The following WDR17 variants were observed in gnomAD, a reference collection of about 807,000 sequenced individuals.
WDR17 encodes the protein WD repeat-containing protein 17.
WDR17 carries 143 observed loss-of-function variants against 161.7 expected under a neutral mutation model. The observed-to-expected ratio is 0.88, with a 90% CI of 0.77 to 1.02. The LOEUF (loss-of-function observed/expected upper bound fraction) is 1.02. Among genes scored for constraint, WDR17 ranks in the 50% least tolerant of loss-of-function variants. WDR17 has a pLI of 0.00. For synonymous variants in WDR17, 517 were observed against 515.6 expected, an observed-to-expected ratio of 1.00 and a Z score of -0.04; for missense variants, 1,469 against 1,520.9, an observed-to-expected ratio of 0.97 and a Z score of 0.57.
At chr4:176,106,444 G>A (rs1487370111) in intron 1 of WDR17, among the ~76,000 whole-genome samples, 2 of 152,016 alleles carry the variant, frequency 1.3e-5, no homozygotes, top group Non-Finnish European at 2.9e-5. Context: ...AATGAAATTG[G>A]ACTCTTACCT....
At chr4:176,177,415 C>T in intron 27 of WDR17, 56 bp from the exon 28 acceptor site, 1 of 1,422,062 alleles carries the variant, frequency 7.0e-7, no homozygotes, top group African/African-American at 1.4e-5. Flanking sequence ...CTAATCTAAA[C>T]ATCAAAAATT....
intron 25 of WDR17, among the ~76,000 whole-genome samples, chr4:176,173,895 A>G (rs1250294369): frequency 1.3e-5 from 2 of 151,266 alleles, no homozygotes; most frequent in Non-Finnish European, 2.9e-5. Flanking sequence ...ACTTAATAAT[A>G]TCTAGTATGT....
At chr4:176,098,039 C>G (rs1737185333) in intron 1 of WDR17, 1 of 151,882 alleles carries the variant, frequency 6.6e-6, no homozygotes, top group Non-Finnish European at 1.5e-5. Context: ...AGTTTGAGCT[C>G]CTTCCGGCTT....
intron 9 of WDR17, among the ~76,000 whole-genome samples, chr4:176,139,208 T>C (rs1561163689): frequency 6.6e-6 from 1 of 152,042 alleles, no homozygotes; most frequent in East Asian, 1.9e-4. Context: ...TAGAACTGTT[T>C]TTAATTAAAA....
chr4:176,117,449 C>T (rs774105383), intron 3 of WDR17, among the ~76,000 whole-genome samples: 4 of 151,860 alleles, frequency 2.6e-5, no homozygotes, highest in Non-Finnish European at 5.9e-5. Flanking sequence ...TTATTGTTCT[C>T]GTAAAGATGT....
At chr4:176,159,706 T>C (rs536213073) in intron 18 of WDR17, among the ~76,000 whole-genome samples, 2 of 152,222 alleles carry the variant, frequency 1.3e-5, no homozygotes, top group Admixed American at 1.3e-4. Flanking sequence ...TTTGAATAAA[T>C]TAATTGCCCA....
At chr4:176,085,397 T>C (rs925462968) in intron 1 of WDR17, among the ~76,000 whole-genome samples, 1 of 152,104 alleles carries the variant, frequency 6.6e-6, no homozygotes, top group African/African-American at 2.4e-5. Flanking sequence ...ACATTTCTTT[T>C]TGAACTATTT....
At chr4:176,081,801 G>C (rs1734779106) in intron 1 of WDR17, among the ~76,000 whole-genome samples, 1 of 152,118 alleles carries the variant, frequency 6.6e-6, no homozygotes, top group South Asian at 2.1e-4. Flanking sequence ...AGCTGGATCA[G>C]ATGCCCACAC....
At chr4:176,168,407 T>A (rs1458764790) in intron 22 of WDR17, among the ~76,000 whole-genome samples, 1 of 152,188 alleles carries the variant, frequency 6.6e-6, no homozygotes, top group Non-Finnish European at 1.5e-5. Flanking sequence ...AATGATAAAA[T>A]TAATTATAAG....
At chr4:176,151,771 A>C in intron 16 of WDR17, 41 bp from the exon 17 acceptor site, 1 of 1,520,484 alleles carries the variant, frequency 6.6e-7, no homozygotes, top group Non-Finnish European at 8.8e-7. Flanking sequence ...AAAACAAAAT[A>C]TGTCAAATTT....
chr4:176,130,568 C>T (rs1422219754), intron 6 of WDR17, among the ~76,000 whole-genome samples: 1 of 150,448 alleles, frequency 6.6e-6, no homozygotes, highest in Non-Finnish European at 1.5e-5. Context: ...CACAGTGAAA[C>T]CCTGTCTCTA....
At chr4:176,087,982 T>G (rs1735638608) in intron 1 of WDR17, among the ~76,000 whole-genome samples, 1 of 152,046 alleles carries the variant, frequency 6.6e-6, no homozygotes, top group African/African-American at 2.4e-5. Context: ...TAGCTGGGAC[T>G]ACAGGTGTGT....
intron 1 of WDR17, among the ~76,000 whole-genome samples, chr4:176,072,311 T>G (rs1417046631): frequency 6.6e-6 from 1 of 152,202 alleles, no homozygotes; most frequent in Non-Finnish European, 1.5e-5. Flanking sequence ...GACATTGAAC[T>G]AGGCCAGTAG....
chr4:176,082,354 A>G (rs1053595775), intron 1 of WDR17, among the ~76,000 whole-genome samples: 2 of 152,156 alleles, frequency 1.3e-5, no homozygotes, highest in Non-Finnish European at 2.9e-5. Context: ...TTATATTTAA[A>G]GACAAGAAAT....
At chr4:176,157,776 C>T (rs757612661) in intron 18 of WDR17, among the ~76,000 whole-genome samples, 4 of 152,138 alleles carry the variant, frequency 2.6e-5, no homozygotes, top group Non-Finnish European at 4.4e-5. Flanking sequence ...TATGCTACTA[C>T]GTTGCTTTCT....
chr4:176,165,274 C>T (rs1316005429), intron 22 of WDR17, among the ~76,000 whole-genome samples: 7 of 151,952 alleles, frequency 4.6e-5, no homozygotes, highest in African/African-American at 1.7e-4. Context: ...GAGTCTGAGG[C>T]AGGAGAATCA....
intron 4 of WDR17, 137 bp downstream of exon 4, chr4:176,120,234 T>G (rs1162063886): frequency 3.5e-6 from 2 of 570,634 alleles, no homozygotes; most frequent in Non-Finnish European, 2.9e-6. Context: ...TTGATATTAT[T>G]ATTGTTAAAA....
At chr4:176,075,086 T>C (rs1733796084) in intron 1 of WDR17, among the ~76,000 whole-genome samples, 1 of 152,018 alleles carries the variant, frequency 6.6e-6, no homozygotes. Flanking sequence ...ATTAACTACA[T>C]AGACTTTATC....
chr4:176,152,585 A>ACAGAGCAAG, intron 17 of WDR17, among the ~76,000 whole-genome samples: 1 of 98,068 alleles, frequency 1.0e-5, no homozygotes, highest in South Asian at 4.2e-4. Flanking sequence ...CAGCCTGGGT[A>ACAGAGCAAG]ACTCCATCTC....
Sources: allele counts gnomAD v4.1 joint callset (sites outside exome capture counted in the v4.1 genomes callset), GRCh38; gene constraint gnomAD v4.1.1; transcripts MANE v1.5; gene names NCBI Gene and HGNC (gene_info 2026-07-23, HGNC 2026-07-21).